SPART: variants seen among roughly 807,000 people sequenced by gnomAD.
The protein encoded by SPART is spastic paraplegia 20 (Troyer syndrome).
In SPART, 35 loss-of-function variants were observed where a neutral mutation model predicts 58.7. The observed-to-expected ratio is 0.60, with a 90% confidence interval of 0.46 to 0.79. The LOEUF (loss-of-function observed/expected upper bound fraction) is 0.79, where lower values mean the gene tolerates loss of function less well. Among genes scored for constraint, SPART ranks in the 30% least tolerant of loss-of-function variants. The pLI is 0.00. For missense variants in SPART, 730 were observed against 786.1 expected, an observed-to-expected ratio of 0.93 and a Z score of 0.85; for synonymous variants, 284 against 280.7, an observed-to-expected ratio of 1.01 and a Z score of -0.12.
intron 1 of SPART, among the ~76,000 whole-genome samples, chr13:36,367,332 CTGCACT>C: frequency 6.6e-6 from 1 of 152,222 alleles, no homozygotes; most frequent in East Asian, 1.9e-4. Context: ...TCATGGCACC[CTGCACT>C]TGCATATTAA....
At chr13:36,326,940 T>A (rs1882994730) in intron 4 of SPART, among the ~76,000 whole-genome samples, 1 of 152,150 alleles carries the variant, frequency 6.6e-6, no homozygotes, top group African/African-American at 2.4e-5. Flanking sequence ...ATAAGTCCAA[T>A]ATGGCATTTA....
At chr13:36,363,373 G>C (rs1007616567) in intron 1 of SPART, among the ~76,000 whole-genome samples, 17 of 149,082 alleles carry the variant, frequency 1.1e-4, no homozygotes, top group Non-Finnish European at 1.6e-4. Flanking sequence ...CTCTCTCTCT[G>C]TCCCTCTTTT....
rs535276658 is a variant in SPART, at chr13:36,301,726, T to G, written c.*2639A>C. 6.6e-6 allele frequency: 1 copy of G among 152,308 alleles called. No individual in the cohort carries two copies. Among genetic ancestry groups the G allele is most frequent in the South Asian group, 2.1e-4 (1 of 4,826 alleles). 9.4% of individuals were successfully genotyped at this position (152,308 alleles called of 1,614,324 possible). A position where few individuals can be genotyped will look rare whatever the true frequency, so the allele number is the denominator to read the frequency against. On this transcript the variant is annotated 3_prime_UTR_variant, in exon 9 of 9. Coordinates refer to ENST00000438666, the MANE Select transcript of SPART (RefSeq NM_015087.5). ...TAATACTCAAGAGAATATCATCATT[T>G]TGGAAAATACCTGGCATTATTTTGC...
chr13:36,365,424 C>A (rs188888044), intron 1 of SPART: 76 of 339,476 alleles, frequency 2.2e-4, no homozygotes, highest in Admixed American at 2.9e-4. Flanking sequence ...TATTATTATT[C>A]TTTTTCATTT....
intron 6 of SPART, chr13:36,313,977 T>C (rs1881403981): frequency 1.9e-6 from 1 of 529,548 alleles, no homozygotes; most frequent in Non-Finnish European, 3.3e-6. Flanking sequence ...CCTAGGGATC[T>C]TGTGAAAATG....
At chr13:36,349,017 A>T (rs1056382901), upstream of SPART, among the ~76,000 whole-genome samples, 3 of 152,298 alleles carry the variant, frequency 2.0e-5, no homozygotes. Flanking sequence ...TAATCCCAGC[A>T]CTTTGGGAGG....
At chr13:36,359,916 G>C (rs1284266779) in intron 1 of SPART, among the ~76,000 whole-genome samples, 1 of 54,208 alleles carries the variant, frequency 1.8e-5, no homozygotes, top group African/African-American at 8.6e-5. Flanking sequence ...GTAAGAGGTT[G>C]TTAATTTAAA....
chr13:36,357,854 A>G (rs1728423967), intron 1 of SPART, among the ~76,000 whole-genome samples: 1 of 152,214 alleles, frequency 6.6e-6, no homozygotes, highest in South Asian at 2.1e-4. Context: ...ACTGAACACC[A>G]GGAATTCATT....
intron 1 of SPART, chr13:36,368,115 T>A: frequency 2.3e-6 from 1 of 429,846 alleles, no homozygotes; most frequent in South Asian, 1.7e-5. Flanking sequence ...ATCACTTTTC[T>A]TTCAAGGAAA....
At chr13:36,328,954 GC>G (rs1431474911) in intron 4 of SPART, among the ~76,000 whole-genome samples, 1 of 152,128 alleles carries the variant, frequency 6.6e-6, no homozygotes, top group Non-Finnish European at 1.5e-5. Context: ...AAATATCTTG[GC>G]CAGGTATGGT....
At chr13:36,316,809 G>A (rs955875882) in intron 5 of SPART, among the ~76,000 whole-genome samples, 2 of 152,148 alleles carry the variant, frequency 1.3e-5, no homozygotes, top group Non-Finnish European at 2.9e-5. Flanking sequence ...ACCTCCCTTA[G>A]GAGATCAATC....
intron 1 of SPART, among the ~76,000 whole-genome samples, chr13:36,365,230 C>T (rs928775833): frequency 4.6e-5 from 7 of 152,164 alleles, no homozygotes; most frequent in African/African-American, 1.7e-4. Context: ...ATAGGAGCAA[C>T]AGATGGTTAA....
At chr13:36,321,962 A>G (rs961072359) in intron 5 of SPART, among the ~76,000 whole-genome samples, 10 of 151,976 alleles carry the variant, frequency 6.6e-5, no homozygotes, top group Admixed American at 2.0e-4. Context: ...TCCTGGCTCA[A>G]AAAGCACCCC....
At chr13:36,363,640 T>C (rs1243584084) in intron 1 of SPART, among the ~76,000 whole-genome samples, 2 of 152,196 alleles carry the variant, frequency 1.3e-5, no homozygotes, top group African/African-American at 4.8e-5. Flanking sequence ...CTGCTCAAGA[T>C]AGCCATGAAA....
At chr13:36,326,158 C>T (rs1224147173) in intron 5 of SPART, 2 of 238,806 alleles carry the variant, frequency 8.4e-6, no homozygotes, top group Non-Finnish European at 1.6e-5. Context: ...CCAAAGGCCC[C>T]ACCTCCTAAA....
At chr13:36,314,174 G>C in intron 6 of SPART, 53 bp downstream of exon 6, 1 of 1,513,992 alleles carries the variant, frequency 6.6e-7, no homozygotes, top group Non-Finnish European at 9.1e-7. Flanking sequence ...CCTGGATTAA[G>C]ACATTATTTT....
chr13:36,357,619 G>T (rs546921074), intron 1 of SPART, among the ~76,000 whole-genome samples: 2 of 152,274 alleles, frequency 1.3e-5, no homozygotes, highest in Admixed American at 6.5e-5. Flanking sequence ...ACAGCAAAGT[G>T]GTTAAGAATT....
chr13:36,303,547 T>TA lies in SPART; in HGVS notation c.*817_*818insT, dbSNP rs1044316532. Reference sequence around the variant, plus strand: ...TAGTAAACTCAATTGTTTATATATATTTTTTTTACAAGTTTTAACCTTTTG... The same window carrying TA: ...TAGTAAACTCAATTGTTTATATATATATTTTTTTACAAGTTTTAACCTTTTG... On this transcript the variant is annotated 3_prime_UTR_variant, in exon 9 of 9. Transcript: ENST00000438666. The TA allele has an allele frequency of 5.2e-4, 79 of 151,986 alleles. No individual in the cohort carries two copies. The highest frequency in any genetic ancestry group is 6.9e-4 in the Non-Finnish European group (47 of 67,936). 9.4% of individuals were successfully genotyped at this position (151,986 alleles called of 1,614,324 possible). A position where few individuals can be genotyped will look rare whatever the true frequency, so the allele number is the denominator to read the frequency against.
intron 1 of SPART, among the ~76,000 whole-genome samples, chr13:36,339,030 T>C (rs1884299731): frequency 1.3e-5 from 2 of 150,966 alleles, no homozygotes; most frequent in South Asian, 4.2e-4. Context: ...AAACATCCAG[T>C]ATAAAGGATT....
Sources: allele counts gnomAD v4.1 joint callset (sites outside exome capture counted in the v4.1 genomes callset), GRCh38; gene constraint gnomAD v4.1.1; transcripts MANE v1.5; gene names NCBI Gene and HGNC (gene_info 2026-07-23, HGNC 2026-07-21).